Variants in DMD observed in about 807,000 individuals in gnomAD.
DMD encodes mutant dystrophin.
Under a neutral mutation model 330.1 loss-of-function variants are expected in DMD, and 63 were observed. The ratio of observed to expected loss-of-function variants is 0.19; its 90% CI spans 0.16 to 0.24. The LOEUF (loss-of-function observed/expected upper bound fraction) is 0.24. Ranked by LOEUF, DMD falls within the 10% of genes least tolerant of loss-of-function variation. The pLI is 1.00. For missense variants in DMD, 3,344 were observed against 2,684.1 expected, an observed-to-expected ratio of 1.25 and a Z score of -5.43; for synonymous variants, 1,223 against 959.8, an observed-to-expected ratio of 1.27 and a Z score of -5.07.
intron 29 of DMD, among the ~76,000 whole-genome samples, chrX:32,430,594 T>A (rs1383641537): frequency 3.6e-5 from 4 of 111,908 alleles, no homozygotes; most frequent in Non-Finnish European, 5.6e-5. Flanking sequence ...GTCTATCCTC[T>A]TAGCAAAGTT....
intron 34 of DMD, among the ~76,000 whole-genome samples, chrX:32,365,423 TATAAATATTTA>T (rs1185390776): frequency 9.0e-6 from 1 of 111,304 alleles, no homozygotes; most frequent in Non-Finnish European, 1.9e-5. Flanking sequence ...TATTTTTCAT[TATAAATATTTA>T]ATAAACATAC....
chrX:32,572,510 C>G (rs1163322608), intron 15 of DMD, among the ~76,000 whole-genome samples: 3 of 106,501 alleles, frequency 2.8e-5, no homozygotes, highest in Non-Finnish European at 5.8e-5. Flanking sequence ...GCCTCTTTTA[C>G]TAGAAATGAT....
chrX:32,868,748 T>A (rs1369561900), intron 2 of DMD, among the ~76,000 whole-genome samples: 1 of 112,515 alleles, frequency 8.9e-6, no homozygotes, highest in African/African-American at 3.2e-5. Flanking sequence ...AGAACTCCGA[T>A]TCCCCTGGAC....
At chrX:31,189,941 A>C (rs895423807) in intron 67 of DMD, among the ~76,000 whole-genome samples, 5 of 112,596 alleles carry the variant, frequency 4.4e-5, no homozygotes, top group African/African-American at 1.6e-4. Flanking sequence ...ATGTGATGGT[A>C]TCACACATAA....
chrX:32,777,277 T>TGGGGGGGGTGGGGGTTGGG (rs546914107), intron 7 of DMD, among the ~76,000 whole-genome samples: 1 of 2,111 alleles, frequency 4.7e-4, no homozygotes, highest in Admixed American at 5.6e-3. Flanking sequence ...GGTTTCTGGT[T>TGGGGGGGGTGGGGGTTGGG]GGGGGGGGAA....
chrX:32,116,234 C>G (rs2096610284), intron 44 of DMD, among the ~76,000 whole-genome samples: 1 of 111,470 alleles, frequency 9.0e-6, no homozygotes, highest in African/African-American at 3.3e-5. Flanking sequence ...AGAATATCTG[C>G]TCTCATATCT....
intron 1 of DMD, among the ~76,000 whole-genome samples, chrX:33,278,378 T>C (rs922454104): frequency 9.0e-6 from 1 of 111,343 alleles, no homozygotes; most frequent in African/African-American, 3.3e-5. Flanking sequence ...TTCTCATCTT[T>C]ATGTTCATGT....
chrX:32,007,443 T>C (rs1324497022), intron 44 of DMD, among the ~76,000 whole-genome samples: 1 of 110,035 alleles, frequency 9.1e-6, no homozygotes, highest in Non-Finnish European at 1.9e-5. Flanking sequence ...GCTTCCAGAT[T>C]TGTGAGAGAA....
At chrX:32,661,519 TG>T (rs1186947457) in intron 9 of DMD, among the ~76,000 whole-genome samples, 1 of 111,593 alleles carries the variant, frequency 9.0e-6, no homozygotes, top group African/African-American at 3.2e-5. Context: ...CAGACTTTTT[TG>T]TAATAACTCA....
At chrX:32,632,601 T>A in intron 11 of DMD, among the ~76,000 whole-genome samples, 1 of 112,371 alleles carries the variant, frequency 8.9e-6, no homozygotes, top group Non-Finnish European at 1.9e-5. Flanking sequence ...TAGATGGATG[T>A]TCCCAAGCCT....
intron 7 of DMD, among the ~76,000 whole-genome samples, chrX:32,738,938 G>A (rs1250830440): frequency 9.0e-6 from 1 of 111,718 alleles, no homozygotes; most frequent in African/African-American, 3.3e-5. Context: ...TGAGGCAGAA[G>A]ACAGCTTTTA....
chrX:32,379,529 T>A (rs1286660247), intron 34 of DMD, among the ~76,000 whole-genome samples: 3 of 111,852 alleles, frequency 2.7e-5, no homozygotes, highest in African/African-American at 9.7e-5. Flanking sequence ...TAATTCAATA[T>A]CTTATCTAAC....
At chrX:32,561,489 G>A (rs999076232) in intron 16 of DMD, among the ~76,000 whole-genome samples, 1 of 111,762 alleles carries the variant, frequency 8.9e-6, no homozygotes, top group Non-Finnish European at 1.9e-5. Flanking sequence ...TGTACAAAAC[G>A]TCTGACAAAT....
chrX:31,522,431 T>C (rs1463507870), intron 55 of DMD, among the ~76,000 whole-genome samples: 1 of 97,968 alleles, frequency 1.0e-5, no homozygotes, highest in Non-Finnish European at 2.0e-5. Context: ...GGCTTGTGTA[T>C]CAAGCTAAGG....
intron 7 of DMD, among the ~76,000 whole-genome samples, chrX:32,789,156 A>G (rs917267702): frequency 8.9e-6 from 1 of 112,173 alleles, no homozygotes; most frequent in Non-Finnish European, 1.9e-5. Context: ...ACAGGAGATA[A>G]GGCAAGTTTC....
chrX:31,812,285 T>C (rs991636060), intron 50 of DMD, among the ~76,000 whole-genome samples: 1 of 108,866 alleles, frequency 9.2e-6, no homozygotes, highest in African/African-American at 3.3e-5. Context: ...GATGAAGCTG[T>C]AAACCATCAT....
At chrX:33,073,957 C>A (rs1294229287) in intron 1 of DMD, among the ~76,000 whole-genome samples, 1 of 111,787 alleles carries the variant, frequency 8.9e-6, no homozygotes, top group Non-Finnish European at 1.9e-5. Flanking sequence ...TAACAAAATA[C>A]CATTTTCCCA....
At chrX:31,383,705 T>C (rs1200642791) in intron 60 of DMD, among the ~76,000 whole-genome samples, 1 of 111,983 alleles carries the variant, frequency 8.9e-6, no homozygotes, top group African/African-American at 3.2e-5. Context: ...GAGAAGCAGC[T>C]GGATGTTGGA....
chrX:33,283,154 T>C (rs1004401600), intron 1 of DMD, among the ~76,000 whole-genome samples: 5 of 112,531 alleles, frequency 4.4e-5, no homozygotes, highest in Non-Finnish European at 9.4e-5. Flanking sequence ...AAAAGCTAAA[T>C]ATACATTTAA....
Sources: allele counts gnomAD v4.1 joint callset (sites outside exome capture counted in the v4.1 genomes callset), GRCh38; gene constraint gnomAD v4.1.1; transcripts MANE v1.5; gene names NCBI Gene and HGNC (gene_info 2026-07-23, HGNC 2026-07-21).